The following ODR4 variants were observed in gnomAD, a reference collection of about 807,000 sequenced individuals.
The protein encoded by ODR4 is odr-4 GPCR localization factor homolog, also known as protein odr-4 homolog.
Under a neutral mutation model 60.2 loss-of-function variants are expected in ODR4, and 47 were observed. The observed-to-expected ratio is 0.78, with a 90% CI of 0.62 to 1.00. ODR4 has a LOEUF of 1.00. ODR4 is among the 50% of genes least tolerant of loss of function. The pLI, the probability that ODR4 is intolerant of heterozygous loss-of-function variation, is 0.00. For missense variants in ODR4, 488 were observed against 530.8 expected (o/e 0.92, Z 0.79); for synonymous variants, 178 against 175.5 (o/e 1.01, Z -0.11).
chr1:186,426,271 T>C (rs533728103), downstream of ODR4, among the ~76,000 whole-genome samples: 50 of 152,318 alleles, frequency 3.3e-4, no homozygotes, highest in South Asian at 0.01. Flanking sequence ...CAAAACTTAG[T>C]GGCTTAAAGC....
Position 186,377,999 on chromosome 1 carries a change from C to T in ODR4, c.-19-1768C>T, listed in dbSNP as rs1048753493. On this transcript the variant is annotated intron_variant, in intron 1 of 13. Coordinates refer to ENST00000287859, the MANE Select transcript of ODR4 (RefSeq NM_017847.6). Reference sequence around the variant, plus strand: ...GGTGGAGCTTGCATTGAGCCGAGATCGCGCCACTGCACTCCAGCCTGGGCA... The same window carrying T: ...GGTGGAGCTTGCATTGAGCCGAGATTGCGCCACTGCACTCCAGCCTGGGCA... Among the ~76,000 whole-genome samples the T allele has an allele frequency of 2.6e-5, 4 of 151,390 alleles. 1 individual carries two copies. Among genetic ancestry groups the T allele is most frequent in the Admixed American group, 2.6e-4 (4 of 15,206 alleles).
intron 12 of ODR4, chr1:186,411,758 CACTGTATTTAAAAATTATTT>C (rs766358011): frequency 2.0e-5 from 9 of 445,488 alleles, no homozygotes; most frequent in Non-Finnish European, 2.7e-5. Context: ...ATATGTTTCA[CACTGTATTTAAAAATTATTT>C]ACTGTCTATA....
At chr1:186,433,962 C>T in the ODR4 span, among the ~76,000 whole-genome samples, 1 of 152,082 alleles carries the variant, frequency 6.6e-6, no homozygotes, top group South Asian at 2.1e-4. Context: ...TTTTTTGTTA[C>T]GCGATCTAGC....
chr1:186,406,345 T>C (rs1661173607), intron 12 of ODR4, 77 bp downstream of exon 12: 1 of 1,122,358 alleles, frequency 8.9e-7, no homozygotes, highest in Non-Finnish European at 1.2e-6. Flanking sequence ...AGTTTAAATA[T>C]CATGTCTTTA....
intron 10 of ODR4, 52 bp downstream of exon 10, chr1:186,398,493 C>T (rs1335764039): frequency 8.0e-6 from 12 of 1,498,810 alleles, no homozygotes; most frequent in African/African-American, 5.7e-5. Flanking sequence ...TTAACAAAAA[C>T]CTAAAATTTT....
At chr1:186,410,543 TA>T (rs1193050910) in intron 12 of ODR4, among the ~76,000 whole-genome samples, 1 of 152,166 alleles carries the variant, frequency 6.6e-6, no homozygotes, top group Non-Finnish European at 1.5e-5. Flanking sequence ...TATGCGTGAT[TA>T]GTTATGCAGA....
chr1:186,402,370 CTCCT>C (rs538821057), intron 11 of ODR4, among the ~76,000 whole-genome samples: 7 of 146,920 alleles, frequency 4.8e-5, no homozygotes, highest in African/African-American at 1.5e-4. Flanking sequence ...CCTTTTCTCT[CTCCT>C]TCCTTCCTTC....
In ODR4 at chr1:186,386,025, G is replaced by A. The variant is rs931400747; in HGVS notation, c.272G>A (p.Gly91Glu). ...RMLPGGLLVL[G>E]VFIITTLELA... Reference sequence around the variant, plus strand: ...CTACCAGGGGGACTTTTAGTTCTTGGAGTATTTATTATTACTACTTTAGAA... The same window carrying A: ...CTACCAGGGGGACTTTTAGTTCTTGAAGTATTTATTATTACTACTTTAGAA... Residue 91 changes from glycine (G) to glutamate (E), a missense_variant, in exon 4 of 14, where the codon GGA (glycine) becomes GAA (glutamate). By Grantham distance (98) the Gly-to-Glu change is moderately conservative. Coordinates refer to ENST00000287859, the MANE Select transcript of ODR4 (RefSeq NM_017847.6). 1 of 1,605,882 alleles carries A rather than the reference G, an allele frequency of 6.2e-7. No homozygotes were observed. Among genetic ancestry groups the A allele is most frequent in the Admixed American group, 1.7e-5 (1 of 59,234 alleles).
intron 12 of ODR4, among the ~76,000 whole-genome samples, chr1:186,414,300 CAG>C (rs1299210681): frequency 1.3e-5 from 2 of 152,016 alleles, no homozygotes; most frequent in African/African-American, 4.8e-5. Context: ...ATTATTTGCT[CAG>C]AGTACGATCT....
intron 2 of ODR4, among the ~76,000 whole-genome samples, chr1:186,380,706 C>G (rs2102013451): frequency 6.6e-6 from 1 of 152,046 alleles, no homozygotes; most frequent in African/African-American, 2.4e-5. Context: ...GGACAATTTT[C>G]TTTCTAGATA....
chr1:186,387,151 A>AT (rs1028075224), intron 4 of ODR4, among the ~76,000 whole-genome samples: 2 of 152,054 alleles, frequency 1.3e-5, no homozygotes, highest in Admixed American at 6.6e-5. Context: ...GATGTTACAG[A>AT]TTTTTTCAGT....
chr1:186,382,931 A>C, intron 2 of ODR4, 91 bp from the exon 3 acceptor site: 1 of 1,299,792 alleles, frequency 7.7e-7, no homozygotes, highest in Non-Finnish European at 1.0e-6. Context: ...CAGTTTTTGC[A>C]TGTCATAAAA....
rs113305262 is a variant in ODR4 at position 186,402,702 on chromosome 1, C to T, written c.1001-3381C>T. Among the ~76,000 whole-genome samples the T allele has an allele frequency of 5.3e-5, 8 of 152,208 alleles. 2 individuals carry two copies. Among genetic ancestry groups the T allele is most frequent in the African/African-American group, 1.9e-4 (8 of 41,514 alleles). ...TCCTGGCTGTAAGGGATCTTCCTCCCTCAGCCTCCCAGGTAGCTGGGACTA... is the reference window on the plus strand; with the variant it reads ...TCCTGGCTGTAAGGGATCTTCCTCCTTCAGCCTCCCAGGTAGCTGGGACTA... On this transcript the variant is annotated intron_variant, in intron 11 of 13. Transcript: ENST00000287859.
chr1:186,414,422 T>A (rs1661481687), intron 12 of ODR4, among the ~76,000 whole-genome samples: 1 of 152,118 alleles, frequency 6.6e-6, no homozygotes, highest in Non-Finnish European at 1.5e-5. Context: ...AAGTAATAAA[T>A]TTCCTATAGC....
chr1:186,391,244 T>G (rs1324309680), intron 7 of ODR4, among the ~76,000 whole-genome samples: 3 of 152,048 alleles, frequency 2.0e-5, no homozygotes, highest in Non-Finnish European at 2.9e-5. Context: ...GTACTTAGGT[T>G]TTTTTGTCTT....
rs544118767 is a variant in ODR4 at position 186,417,949 on chromosome 1, G to C, written c.1297+295G>C. Among the ~76,000 whole-genome samples the C allele has an allele frequency of 3.4e-4, 52 of 152,240 alleles. 1 individual carries two copies. The highest frequency in any genetic ancestry group is 1.2e-3 in the African/African-American group (51 of 41,566). ...ATAGTAGGGCTAATGTTTTACAAACGGGTGTTCTTAGAATTACTATTGCAG... is the reference window on the plus strand; with the variant it reads ...ATAGTAGGGCTAATGTTTTACAAACCGGTGTTCTTAGAATTACTATTGCAG... On this transcript the variant is annotated intron_variant, in intron 13 of 13. Transcript: ENST00000287859.
rs114966538 is a variant in ODR4 at position 186,400,626 on chromosome 1, G to T, written c.1000+1582G>T. ...TATTTTTATGTTCATAGGAAAAAAA[G>T]CATAGCTCCTCTATATAACCAACTT... On this transcript the variant is annotated intron_variant, in intron 11 of 13. Transcript: ENST00000287859. The T allele has an allele frequency of 5.6e-3, 934 of 166,870 alleles. 13 individuals are homozygous for T. Among genetic ancestry groups the T allele is most frequent in the African/African-American group, 0.022 (902 of 41,658 alleles). 10.3% of individuals were successfully genotyped at this position (166,870 alleles called of 1,614,324 possible).
Position 186,391,647 on chromosome 1 carries a change from T to C in ODR4, c.616-49T>C, listed in dbSNP as rs144398917. The C allele has an allele frequency of 3.7e-4, 439 of 1,176,238 alleles. 1 individual carries two copies. The African/African-American group carries it at 6.3e-3, about 17-fold the overall frequency. 72.9% of individuals were successfully genotyped at this position (1,176,238 alleles called of 1,614,324 possible). A position where few individuals can be genotyped will look rare whatever the true frequency, so the allele number is the denominator to read the frequency against. ...ACAAAGTAGATTATAGGAAGTTTAATTGAGATGGCATTGTATCTGAAAGAT... is the reference window on the plus strand; with the variant it reads ...ACAAAGTAGATTATAGGAAGTTTAACTGAGATGGCATTGTATCTGAAAGAT... On this transcript the variant is annotated intron_variant, in intron 7 of 13. Coordinates refer to ENST00000287859, the MANE Select transcript of ODR4 (RefSeq NM_017847.6).
In ODR4 at chr1:186,379,815, T is replaced by C. The variant is rs771261255; in HGVS notation, c.30T>C (p.Thr10=). 2 of 1,607,182 alleles carry C rather than the reference T, an allele frequency of 1.2e-6. No homozygotes were observed. The highest frequency in any genetic ancestry group is 1.1e-5 in the South Asian group (1 of 89,420). The change falls in exon 2 of 14, where the codon ACT becomes ACC. Residue 10 remains threonine (T), a synonymous_variant. Coordinates refer to ENST00000287859, the MANE Select transcript of ODR4 (RefSeq NM_017847.6). MGRTYIVEE[T]VGQYLSNINL... ...GAAGAACCTACATTGTAGAAGAGAC[T>C]GTTGGCCAGTATCTTTCAAACATAA...
Sources: gnomAD v4.1 joint callset for allele counts (sites outside exome capture counted in the v4.1 genomes callset) on GRCh38, gnomAD v4.1.1 for gene constraint, MANE v1.5 for transcripts, NCBI Gene and HGNC (gene_info 2026-07-23, HGNC 2026-07-21) for gene names.